GRAMD4: variants seen among roughly 807,000 people sequenced by gnomAD.
GRAMD4 encodes the protein GRAM domain containing 4.
In GRAMD4, 25 loss-of-function variants were observed where a neutral mutation model predicts 83.9. The observed-to-expected ratio is 0.30, with a 90% CI of 0.22 to 0.42. The LOEUF is 0.42. Ranked by LOEUF, GRAMD4 falls within the 10% of genes least tolerant of loss-of-function variation. GRAMD4 has a pLI of 1.00. For missense variants in GRAMD4, 593 were observed against 788.7 expected, an observed-to-expected ratio of 0.75 and a Z score of 2.97; for synonymous variants, 336 against 320.9, an observed-to-expected ratio of 1.05 and a Z score of -0.50.
intron 1 of GRAMD4, among the ~76,000 whole-genome samples, chr22:46,612,114 C>T (rs2081423720): frequency 1.9e-5 from 1 of 52,178 alleles, no homozygotes; most frequent in Non-Finnish European, 5.1e-5. Flanking sequence ...AGCGACTCTC[C>T]TGCCTCAGTC....
exon 1 of GRAMD4, chr22:46,577,176 C>G: frequency 1.7e-6 from 1 of 587,948 alleles, no homozygotes. Flanking sequence ...CGCCTCCTCC[C>G]GGCTCCCCGG....
At chr22:46,655,851 C>T (rs1210382017) in intron 3 of GRAMD4, among the ~76,000 whole-genome samples, 2 of 152,230 alleles carry the variant, frequency 1.3e-5, no homozygotes, top group South Asian at 4.1e-4. Flanking sequence ...TGCAGCCTGT[C>T]CTGAGCCCTG....
At chr22:46,625,642 C>T (rs1601585929) in intron 1 of GRAMD4, among the ~76,000 whole-genome samples, 1 of 152,256 alleles carries the variant, frequency 6.6e-6, no homozygotes, top group African/African-American at 2.4e-5. Context: ...AGTCCTCCCA[C>T]GGGGACCCAG....
intron 1 of GRAMD4, among the ~76,000 whole-genome samples, chr22:46,590,055 G>A (rs2081191743): frequency 6.6e-6 from 1 of 152,226 alleles, no homozygotes; most frequent in Non-Finnish European, 1.5e-5. Flanking sequence ...CTGGTTGGGA[G>A]CCCTGAGTCT....
intron 1 of GRAMD4, among the ~76,000 whole-genome samples, chr22:46,585,951 C>T (rs969290940): frequency 2.0e-5 from 3 of 152,202 alleles, no homozygotes; most frequent in East Asian, 1.9e-4. Context: ...GGTTCAGCCA[C>T]GTCTTGGGTG....
At position 46,597,549 on chromosome 22, in the gene GRAMD4, G is replaced by C. The variant is rs2081273682; in HGVS notation, c.-50+20259G>C. On this transcript the variant is annotated intron_variant, in intron 1 of 1. Coordinates refer to the GRAMD4 transcript ENST00000431155. The stretch of plus-strand genomic sequence containing the variant: ...CTGTCGCCCAGGCTGGAGTGCAGTG[G>C]CGCGATCCCGGCTCACTGCAAGCTC... 1.3e-5 allele frequency among the ~76,000 whole-genome samples: 2 copies of C among 152,126 alleles called. 1 individual carries two copies. The highest frequency in any genetic ancestry group is 2.9e-5 in the Non-Finnish European group (2 of 68,034).
intron 3 of GRAMD4, among the ~76,000 whole-genome samples, chr22:46,648,028 A>G (rs1005691447): frequency 1.3e-5 from 2 of 152,260 alleles, no homozygotes; most frequent in African/African-American, 4.8e-5. Context: ...AGAGCCTGGC[A>G]GCTACTGGAT....
At chr22:46,651,975 C>T (rs761984347) in intron 3 of GRAMD4, among the ~76,000 whole-genome samples, 11 of 152,130 alleles carry the variant, frequency 7.2e-5, no homozygotes, top group Non-Finnish European at 1.5e-5. Context: ...AAAGTCCACG[C>T]CGGGCCAGGT....
chr22:46,671,013 A>G (rs1340756930), intron 13 of GRAMD4: 20 of 427,784 alleles, frequency 4.7e-5, no homozygotes, highest in Non-Finnish European at 7.7e-5. Flanking sequence ...CCAAGATGGC[A>G]TTCCTGGCTT....
chr22:46,617,446 C>T (rs2081519146), upstream of GRAMD4, among the ~76,000 whole-genome samples: 1 of 150,376 alleles, frequency 6.6e-6, no homozygotes. Context: ...GTAGGTTCCC[C>T]CCATACGTGT....
In GRAMD4 at chr22:46,661,399, TCAG is replaced by T. The variant is rs769915339; in HGVS notation, c.428_430del (p.Gln143del). The T allele has an allele frequency of 1.2e-6, 2 of 1,612,104 alleles. No individual in the cohort carries two copies. The highest frequency in any genetic ancestry group is 2.7e-5 in the African/African-American group (2 of 74,900). ...TTTTAAGAACCGAGGAGCAGATGGC[TCAG>T]CAGCCCCCAAAAGGGCAGGCCCAGG... On this transcript the variant is annotated inframe_deletion, in exon 5 of 19. Transcript: ENST00000406902.
intron 17 of GRAMD4, 91 bp downstream of exon 17, chr22:46,675,643 C>T: frequency 1.2e-6 from 1 of 852,222 alleles, no homozygotes; most frequent in South Asian, 1.4e-5. Flanking sequence ...CTTCTGCCAG[C>T]CTCTGTCAGC....
Position 46,597,466 on chromosome 22 carries a change from T to C in GRAMD4, c.-50+20176T>C, listed in dbSNP as rs563465734. On this transcript the variant is annotated intron_variant, in intron 1 of 1. Coordinates refer to the GRAMD4 transcript ENST00000431155. ...TCAAGTTTCAGGTGATTTTCTGGCCTGGTTTCATTTATCTATCTATCTATT... is the reference window on the plus strand; with the variant it reads ...TCAAGTTTCAGGTGATTTTCTGGCCCGGTTTCATTTATCTATCTATCTATT... 4.3e-4 allele frequency among the ~76,000 whole-genome samples: 65 copies of C among 152,262 alleles called. 1 individual carries two copies. Among genetic ancestry groups the C allele is most frequent in the African/African-American group, 1.5e-3 (64 of 41,564 alleles).
upstream of GRAMD4, among the ~76,000 whole-genome samples, chr22:46,576,378 T>C (rs2081042641): frequency 7.1e-6 from 1 of 141,488 alleles, no homozygotes; most frequent in Non-Finnish European, 1.6e-5. Flanking sequence ...AGCGGGGTGG[T>C]GGGTGGTTTT....
Position 46,679,565 on chromosome 22 carries a change from C to T in GRAMD4, c.*2314C>T, listed in dbSNP as rs3179. 0.47 allele frequency: 461,324 copies of T among 983,408 alleles called. 111,179 individuals carry two copies. The highest frequency in any genetic ancestry group is 0.74 in the African/African-American group (42,562 of 57,292). The allele number at this position is 983,408 out of a possible 1,614,324, so 60.9% of individuals were successfully genotyped here. On this transcript the variant is annotated 3_prime_UTR_variant, in exon 19 of 19. Coordinates refer to ENST00000406902, the MANE Select transcript of GRAMD4 (RefSeq NM_015124.5). ...TTCTGTGACTAATCACTGAACTAGA[C>T]GAATGTTAAATTTTTTATGTCTGAA... is the stretch of plus-strand genomic sequence containing the variant.
chr22:46,669,500 CCTTT>C (rs2082466096), intron 13 of GRAMD4, among the ~76,000 whole-genome samples: 1 of 152,140 alleles, frequency 6.6e-6, no homozygotes, highest in Non-Finnish European at 1.5e-5. Flanking sequence ...TCTCTTCCCT[CCTTT>C]CTCTTTTCTT....
chr22:46,680,949 C>CCCAG (rs1346023901), downstream of GRAMD4, among the ~76,000 whole-genome samples: 16 of 138,300 alleles, frequency 1.2e-4, no homozygotes, highest in East Asian at 2.2e-4. Flanking sequence ...CACCCACCCA[C>CCCAG]CCAGCCAGCC....
intron 10 of GRAMD4, 21 bp from the exon 11 acceptor site, chr22:46,668,073 TTC>T (rs759368919): frequency 6.5e-7 from 1 of 1,547,236 alleles, no homozygotes; most frequent in Non-Finnish European, 8.9e-7. Context: ...CAGTGGAAAA[TTC>T]TCTTTCCCCT....
At chr22:46,627,604 G>GCC (rs2081687104) in intron 2 of GRAMD4, among the ~76,000 whole-genome samples, 1 of 152,196 alleles carries the variant, frequency 6.6e-6, no homozygotes, top group African/African-American at 2.4e-5. Flanking sequence ...GCTCCCTGCG[G>GCC]CCCCTCCTCT....
Sources: allele counts gnomAD v4.1 joint callset (sites outside exome capture counted in the v4.1 genomes callset), GRCh38; gene constraint gnomAD v4.1.1; transcripts MANE v1.5; gene names NCBI Gene and HGNC (gene_info 2026-07-23, HGNC 2026-07-21).